The following LIN52 variants were observed in gnomAD, a reference collection of about 807,000 sequenced individuals.
LIN52 encodes protein lin-52 homolog.
Under a neutral mutation model 18.5 loss-of-function variants are expected in LIN52, and 4 were observed. The ratio of observed to expected loss-of-function variants is 0.22; its 90% confidence interval spans 0.11 to 0.49. The LOEUF is 0.49. Ranked by LOEUF, LIN52 falls within the 20% of genes least tolerant of loss-of-function variation. The pLI is 0.97. For missense variants in LIN52, 102 were observed against 139.5 expected, an observed-to-expected ratio of 0.73 and a Z score of 1.35; for synonymous variants, 34 against 45.5, an observed-to-expected ratio of 0.75 and a Z score of 1.02.
chr14:74,166,926 C>G (rs556381017), intron 5 of LIN52, among the ~76,000 whole-genome samples: 1 of 152,204 alleles, frequency 6.6e-6, no homozygotes, highest in African/African-American at 2.4e-5. Flanking sequence ...TGGGTGTTCT[C>G]TCTGGGGAGA....
rs2061049847 is a variant in LIN52 at position 74,129,778 on chromosome 14, T to A, written c.283+28540T>A. Among the ~76,000 whole-genome samples the A allele has an allele frequency of 2.6e-5, 4 of 152,212 alleles. No individual in the cohort carries two copies. The South Asian group carries it at 8.3e-4, about 32-fold the overall frequency. On this transcript the variant is annotated intron_variant, in intron 5 of 5. Coordinates refer to ENST00000555028, the MANE Select transcript of LIN52 (RefSeq NM_001024674.3). Reference sequence around the variant, plus strand: ...CAAGAGGATTCCTTGAATCCAGGAATTCGAGGCTGCAGTGAGCTGTGACCA... The same window carrying A: ...CAAGAGGATTCCTTGAATCCAGGAAATCGAGGCTGCAGTGAGCTGTGACCA...
chr14:74,140,569 C>T (rs1183837574), intron 5 of LIN52, among the ~76,000 whole-genome samples: 1 of 152,148 alleles, frequency 6.6e-6, no homozygotes, highest in South Asian at 2.1e-4. Flanking sequence ...ACTGATTAAA[C>T]CTGAAGTGTC....
At chr14:74,143,076 A>G (rs2061138764) in intron 5 of LIN52, among the ~76,000 whole-genome samples, 1 of 151,876 alleles carries the variant, frequency 6.6e-6, no homozygotes, top group Non-Finnish European at 1.5e-5. Flanking sequence ...TACACAAATC[A>G]GTTCCCTGAA....
At chr14:74,086,912 T>G (rs1229941608) in intron 1 of LIN52, among the ~76,000 whole-genome samples, 1 of 151,670 alleles carries the variant, frequency 6.6e-6, no homozygotes, top group Non-Finnish European at 1.5e-5. Flanking sequence ...TAAAAGTTAT[T>G]AAAATGGTAA....
chr14:74,120,945 T>C (rs2060996347), intron 5 of LIN52, among the ~76,000 whole-genome samples: 1 of 151,606 alleles, frequency 6.6e-6, no homozygotes, highest in Non-Finnish European at 1.5e-5. Flanking sequence ...GGCTCAGTGG[T>C]ATGCACCTGT....
At chr14:74,156,892 T>C (rs548863370) in intron 5 of LIN52, among the ~76,000 whole-genome samples, 1 of 152,318 alleles carries the variant, frequency 6.6e-6, no homozygotes, top group Admixed American at 6.5e-5. Flanking sequence ...TGAGAACATG[T>C]AGTATTTATC....
chr14:74,184,604 C>A (rs1191569516), intron 5 of LIN52, among the ~76,000 whole-genome samples: 2 of 152,128 alleles, frequency 1.3e-5, no homozygotes, highest in Admixed American at 1.3e-4. Context: ...TGGTATCAGT[C>A]ATATTATTTT....
intron 3 of LIN52, among the ~76,000 whole-genome samples, chr14:74,097,425 C>G (rs202182427): frequency 7.5e-6 from 1 of 133,578 alleles, no homozygotes; most frequent in African/African-American, 2.8e-5. Flanking sequence ...TTTTCTTTTT[C>G]TTTTTTTTTT....
intron 5 of LIN52, among the ~76,000 whole-genome samples, chr14:74,127,096 A>G (rs2061033638): frequency 6.6e-6 from 1 of 152,208 alleles, no homozygotes; most frequent in Non-Finnish European, 1.5e-5. Context: ...AGTGTTTCTA[A>G]TTCATACAGT....
chr14:74,121,226 C>T (rs2060997885), intron 5 of LIN52, among the ~76,000 whole-genome samples: 1 of 152,160 alleles, frequency 6.6e-6, no homozygotes, highest in African/African-American at 2.4e-5. Context: ...ATATAATTCC[C>T]AGAGGTTTCC....
intron 5 of LIN52, among the ~76,000 whole-genome samples, chr14:74,122,943 C>T (rs10150705): frequency 0.25 from 38,604 of 151,998 alleles, 5,666 homozygotes; most frequent in South Asian, 0.46. Context: ...AGAAGTATGG[C>T]GAGCCCAGGA....
At chr14:74,158,082 G>A (rs538842071) in intron 5 of LIN52, among the ~76,000 whole-genome samples, 16 of 150,798 alleles carry the variant, frequency 1.1e-4, no homozygotes, top group Non-Finnish European at 2.1e-4. Flanking sequence ...CAATTAAGGT[G>A]TCTATGCTTT....
At chr14:74,141,111 A>G (rs990591623) in intron 5 of LIN52, among the ~76,000 whole-genome samples, 1 of 152,242 alleles carries the variant, frequency 6.6e-6, no homozygotes, top group African/African-American at 2.4e-5. Flanking sequence ...TTAAAGGAAT[A>G]TGTTAAACTT....
intron 5 of LIN52, among the ~76,000 whole-genome samples, chr14:74,150,646 T>C (rs4903192): frequency 0.01 from 1,585 of 152,322 alleles, 12 homozygotes; most frequent in Middle Eastern, 0.027. Context: ...TTTCTGTTCA[T>C]ATGTTATACT....
At chr14:74,114,068 C>T (rs1342120009) in intron 5 of LIN52, 4 of 872,582 alleles carry the variant, frequency 4.6e-6, no homozygotes, top group East Asian at 1.3e-4. Flanking sequence ...GCAACCCCTA[C>T]CTCCCGGGCT....
At chr14:74,190,589 ACCATGCTGC>A (rs1393057277) in intron 5 of LIN52, among the ~76,000 whole-genome samples, 4 of 151,620 alleles carry the variant, frequency 2.6e-5, no homozygotes, top group Non-Finnish European at 5.9e-5. Flanking sequence ...ATGGGGTTCC[ACCATGCTGC>A]CCAGGCTGGT....
intron 5 of LIN52, among the ~76,000 whole-genome samples, chr14:74,155,424 G>C (rs186202128): frequency 7.0e-4 from 106 of 152,322 alleles, no homozygotes; most frequent in African/African-American, 2.4e-3. Context: ...TGGGAAATCA[G>C]GGCTTCATGT....
chr14:74,091,343 G>T (rs777011400), intron 2 of LIN52, 37 bp downstream of exon 2: 1 of 1,297,852 alleles, frequency 7.7e-7, no homozygotes, highest in Non-Finnish European at 1.1e-6. Context: ...AGTCAATGCA[G>T]GAGAAACAAT....
chr14:74,190,510 G>A (rs1006421470), intron 5 of LIN52, among the ~76,000 whole-genome samples: 5 of 145,602 alleles, frequency 3.4e-5, no homozygotes, highest in Non-Finnish European at 5.9e-5. Context: ...TCCCCCTTCA[G>A]CCTCCCAAGT....
Sources: allele counts gnomAD v4.1 joint callset (sites outside exome capture counted in the v4.1 genomes callset), GRCh38; gene constraint gnomAD v4.1.1; transcripts MANE v1.5; gene names NCBI Gene and HGNC (gene_info 2026-07-23, HGNC 2026-07-21).